CDH4: variants seen among roughly 807,000 people sequenced by gnomAD.
CDH4 encodes the protein cadherin-4.
Under a neutral mutation model 86.0 loss-of-function variants are expected in CDH4, and 33 were observed. The observed-to-expected ratio is 0.38, with a 90% CI of 0.29 to 0.51. The LOEUF is 0.51. Among genes scored for constraint, CDH4 ranks in the 20% least tolerant of loss-of-function variants. The pLI, the probability that CDH4 is intolerant of heterozygous loss-of-function variation, is 0.86. For missense variants in CDH4, 1,114 were observed against 1,307.4 expected (o/e 0.85, Z 2.28); for synonymous variants, 555 against 549.4 (o/e 1.01, Z -0.14).
chr20:61,861,283 C>T (rs116818350), intron 6 of CDH4, among the ~76,000 whole-genome samples: 166 of 152,316 alleles, frequency 1.1e-3, no homozygotes, highest in Admixed American at 1.6e-3. Flanking sequence ...ATGCGGCCGG[C>T]GGCATTCATC....
At chr20:61,579,323 G>A (rs559443996) in intron 2 of CDH4, among the ~76,000 whole-genome samples, 3 of 130,404 alleles carry the variant, frequency 2.3e-5, no homozygotes, top group Non-Finnish European at 3.1e-5. Context: ...GTCTCTCTCT[G>A]TTGCCCAGTC....
At chr20:61,759,536 G>A (rs1042760253) in intron 3 of CDH4, among the ~76,000 whole-genome samples, 1 of 152,192 alleles carries the variant, frequency 6.6e-6, no homozygotes, top group African/African-American at 2.4e-5. Flanking sequence ...AATCACACAC[G>A]CTGATGGCAC....
rs1209248170 is a variant in CDH4 at position 61,565,086 on chromosome 20, GTGCTCTTGGTGGTGCTCTTGGTGGTGC to G, written c.170-178474_170-178448del. On this transcript the variant is annotated intron_variant, in intron 2 of 15. Coordinates refer to ENST00000614565, the MANE Select transcript of CDH4 (RefSeq NM_001794.5). ...CTTGGTGGTGGTGGTGGTGGTGGTG[GTGCTCTTGGTGGTGCTCTTGGTGGTGC>G]TGGTGCTCTTGGTGGTGCTGGTCCT... 9.2e-5 allele frequency among the ~76,000 whole-genome samples: 10 copies of G among 108,560 alleles called. No individual in the cohort carries two copies. The South Asian group carries it at 9.7e-4, about 11-fold the overall frequency. 71.2% of individuals were successfully genotyped at this position (108,560 alleles called of 152,430 possible). A position where few individuals can be genotyped will look rare whatever the true frequency, so the allele number is the denominator to read the frequency against.
At chr20:61,268,641 A>C (rs1568774355) in intron 2 of CDH4, among the ~76,000 whole-genome samples, 1 of 151,412 alleles carries the variant, frequency 6.6e-6, no homozygotes, top group Admixed American at 6.6e-5. Flanking sequence ...GTGAGTTCCC[A>C]CTCTGTTAGT....
intron 2 of CDH4, among the ~76,000 whole-genome samples, chr20:61,338,409 C>T (rs2084631436): frequency 6.6e-6 from 1 of 152,190 alleles, no homozygotes; most frequent in South Asian, 2.1e-4. Flanking sequence ...TAAGATTTGA[C>T]CAGGAATGGA....
chr20:61,865,016 G>A (rs1337983378), intron 6 of CDH4, among the ~76,000 whole-genome samples: 3 of 152,156 alleles, frequency 2.0e-5, no homozygotes, highest in Non-Finnish European at 4.4e-5. Flanking sequence ...CCACCCCTGA[G>A]TGGATTCGAG....
chr20:61,343,259 T>C (rs527822358), intron 2 of CDH4, among the ~76,000 whole-genome samples: 1 of 152,364 alleles, frequency 6.6e-6, no homozygotes, highest in South Asian at 2.1e-4. Context: ...TGAATGTCTG[T>C]TCTAGGCTGG....
chr20:61,757,471 C>T (rs2088579718), intron 3 of CDH4, among the ~76,000 whole-genome samples: 1 of 152,242 alleles, frequency 6.6e-6, no homozygotes. Flanking sequence ...CAGCCCTTCA[C>T]TTGTAAATAG....
chr20:61,534,288 G>A (rs559100468), intron 2 of CDH4, among the ~76,000 whole-genome samples: 1 of 152,344 alleles, frequency 6.6e-6, no homozygotes, highest in African/African-American at 2.4e-5. Flanking sequence ...ATGGGACACT[G>A]TGGCTTCGCT....
chr20:61,926,856 G>C (rs1009674556), intron 11 of CDH4, among the ~76,000 whole-genome samples: 1 of 152,106 alleles, frequency 6.6e-6, no homozygotes, highest in Non-Finnish European at 1.5e-5. Flanking sequence ...CTGGGCAATA[G>C]AGTGAGACTC....
At position 61,442,004 on chromosome 20, in the gene CDH4, A is replaced by G. The variant is rs1045571732; in HGVS notation, c.169+187067A>G. Reference sequence around the variant, plus strand: ...GCAGATTTCAAATCCAATCGTTTGTATCAGCATATTCTTCTGAAGGACAGT... The same window carrying G: ...GCAGATTTCAAATCCAATCGTTTGTGTCAGCATATTCTTCTGAAGGACAGT... On this transcript the variant is annotated intron_variant, in intron 2 of 15. Transcript: ENST00000614565. 2.6e-5 allele frequency among the ~76,000 whole-genome samples: 4 copies of G among 152,216 alleles called. 1 individual carries two copies. Among genetic ancestry groups the G allele is most frequent in the Admixed American group, 2.6e-4 (4 of 15,286 alleles).
intron 6 of CDH4, among the ~76,000 whole-genome samples, chr20:61,862,219 T>C (rs73915115): frequency 6.6e-6 from 1 of 152,232 alleles, no homozygotes; most frequent in African/African-American, 2.4e-5. Context: ...AGGTGGCTGT[T>C]GGTCTCCACC....
At chr20:61,832,413 A>C (rs984339801) in intron 4 of CDH4, among the ~76,000 whole-genome samples, 1 of 152,190 alleles carries the variant, frequency 6.6e-6, no homozygotes, top group African/African-American at 2.4e-5. Context: ...GGATGGATGT[A>C]ATGTGACTAG....
intron 2 of CDH4, among the ~76,000 whole-genome samples, chr20:61,625,884 C>G (rs1053115417): frequency 1.3e-5 from 2 of 152,214 alleles, no homozygotes; most frequent in Non-Finnish European, 2.9e-5. Flanking sequence ...TCACTTGGCC[C>G]GAGTTTTCCA....
Position 61,900,324 on chromosome 20 carries a change from CA to C in CDH4, c.1188+5278del, listed in dbSNP as rs1985334460. Among the ~76,000 whole-genome samples, 3 of 14,536 alleles carry C rather than the reference CA, an allele frequency of 2.1e-4. No homozygotes were observed. The Non-Finnish European group carries it at 3.1e-3, about 15-fold the overall frequency. The allele number at this position is 14,536 out of a possible 152,430, so 9.5% of individuals were successfully genotyped here. ...GTGCCCTTAATTACGCTTGGGTGCA[CA>C]GTGCAAGCCTCGGCCGCACAGTGCA... On this transcript the variant is annotated intron_variant, in intron 8 of 15. Coordinates refer to ENST00000614565, the MANE Select transcript of CDH4 (RefSeq NM_001794.5).
rs188403154 is a variant in CDH4, at chr20:61,563,755, C to G, written c.170-179808C>G. On this transcript the variant is annotated intron_variant, in intron 2 of 15. Coordinates refer to ENST00000614565, the MANE Select transcript of CDH4 (RefSeq NM_001794.5). The stretch of plus-strand genomic sequence containing the variant: ...ACAGGGACAGCTCACCTTTGCTGAG[C>G]CCCCTCTGTGTGGCTCTGTGGAGCT... 4.6e-5 allele frequency among the ~76,000 whole-genome samples: 7 copies of G among 152,334 alleles called. No individual in the cohort carries two copies. The East Asian group carries it at 1.4e-3, about 29-fold the overall frequency.
intron 2 of CDH4, among the ~76,000 whole-genome samples, chr20:61,666,989 G>A (rs1390107957): frequency 1.3e-5 from 2 of 152,262 alleles, no homozygotes; most frequent in African/African-American, 2.4e-5. Flanking sequence ...ATGTCCAGAC[G>A]ACTGCTCCCT....
rs368078420 is a variant in CDH4, at chr20:61,496,734, CCCT to C, written c.169+241802_169+241804del. On this transcript the variant is annotated intron_variant, in intron 2 of 15. Coordinates refer to ENST00000614565, the MANE Select transcript of CDH4 (RefSeq NM_001794.5). ...GTTCTCATATCCTTGTTCAGTCAGC[CCCT>C]CCTCTGGCCCTAGAGCAGCCACTGC... 6.4e-3 allele frequency among the ~76,000 whole-genome samples: 978 copies of C among 152,302 alleles called. 10 individuals carry two copies. Among genetic ancestry groups the C allele is most frequent in the African/African-American group, 0.023 (946 of 41,572 alleles).
At chr20:61,863,364 G>T (rs1983412248) in intron 6 of CDH4, among the ~76,000 whole-genome samples, 1 of 152,208 alleles carries the variant, frequency 6.6e-6, no homozygotes, top group Admixed American at 6.5e-5. Flanking sequence ...GGAGAAGGAG[G>T]TGGAAAGAGG....
Sources: allele counts gnomAD v4.1 joint callset (sites outside exome capture counted in the v4.1 genomes callset), GRCh38; gene constraint gnomAD v4.1.1; transcripts MANE v1.5; gene names NCBI Gene and HGNC (gene_info 2026-07-23, HGNC 2026-07-21).